Variants in OSBP2 observed in about 807,000 individuals in gnomAD.
The protein encoded by OSBP2 is oxysterol-binding protein 2.
In OSBP2, 66 loss-of-function variants were observed where a neutral mutation model predicts 96.0. The observed-to-expected ratio is 0.69, with a 90% CI of 0.56 to 0.84. OSBP2 has a LOEUF of 0.84. Ranked by LOEUF, OSBP2 falls within the 40% of genes least tolerant of loss-of-function variation. The pLI is 0.00. For synonymous variants in OSBP2, 525 were observed against 520.9 expected, an observed-to-expected ratio of 1.01 and a Z score of -0.11; for missense variants, 1,038 against 1,222.7, an observed-to-expected ratio of 0.85 and a Z score of 2.25.
At chr22:30,840,321 AAG>A (rs1237336132) in intron 2 of OSBP2, among the ~76,000 whole-genome samples, 7 of 150,600 alleles carry the variant, frequency 4.6e-5, no homozygotes, top group Admixed American at 4.6e-4. Context: ...AAAAAAGAAA[AAG>A]GAAAAAAAAA....
chr22:30,709,834 G>A (rs1461095506), intron 1 of OSBP2, among the ~76,000 whole-genome samples: 2 of 151,694 alleles, frequency 1.3e-5, no homozygotes, highest in African/African-American at 2.4e-5. Context: ...ACCTCGCCCA[G>A]CCCAGATTAG....
intron 1 of OSBP2, among the ~76,000 whole-genome samples, chr22:30,738,424 G>A (rs542666891): frequency 3.5e-4 from 53 of 152,148 alleles, no homozygotes; most frequent in Middle Eastern, 3.2e-3. Context: ...AAATTAGAGT[G>A]ACTGTCCTTC....
At chr22:30,734,131 G>C (rs1261214821) in intron 1 of OSBP2, among the ~76,000 whole-genome samples, 2 of 151,938 alleles carry the variant, frequency 1.3e-5, no homozygotes, top group Non-Finnish European at 2.9e-5. Context: ...TGCACCACCA[G>C]GCCCATTTAA....
chr22:30,857,586 C>A (rs1399657043), intron 2 of OSBP2, among the ~76,000 whole-genome samples: 1 of 152,218 alleles, frequency 6.6e-6, no homozygotes, highest in Non-Finnish European at 1.5e-5. Context: ...AACATGGGTC[C>A]ATTTTATAGC....
At chr22:30,780,465 A>T (rs1331450889) in intron 2 of OSBP2, among the ~76,000 whole-genome samples, 2 of 152,174 alleles carry the variant, frequency 1.3e-5, no homozygotes, top group Non-Finnish European at 2.9e-5. Flanking sequence ...TAATGCACCC[A>T]GGCTACTAAG....
intron 2 of OSBP2, among the ~76,000 whole-genome samples, chr22:30,799,756 A>G (rs1445254830): frequency 1.3e-5 from 2 of 152,244 alleles, no homozygotes; most frequent in Non-Finnish European, 2.9e-5. Context: ...GGAGCAGTCC[A>G]TCACTGGCAG....
chr22:30,869,548 T>C (rs1393731068), intron 2 of OSBP2, among the ~76,000 whole-genome samples: 1 of 152,230 alleles, frequency 6.6e-6, no homozygotes, highest in Non-Finnish European at 1.5e-5. Flanking sequence ...TTTGTTTTGT[T>C]TTTTGAAACA....
chr22:30,738,258 G>A (rs1272327584), intron 1 of OSBP2, among the ~76,000 whole-genome samples: 1 of 151,876 alleles, frequency 6.6e-6, no homozygotes, highest in Non-Finnish European at 1.5e-5. Context: ...CTCTCTGTCC[G>A]GAACACTGCC....
chr22:30,703,439 G>A (rs971337960), intron 1 of OSBP2, among the ~76,000 whole-genome samples: 2 of 148,818 alleles, frequency 1.3e-5, no homozygotes, highest in African/African-American at 2.5e-5. Flanking sequence ...CTCCCAAAGT[G>A]TTGGGATTAT....
chr22:30,875,063 T>G (rs1443288872), intron 3 of OSBP2, among the ~76,000 whole-genome samples: 3 of 152,192 alleles, frequency 2.0e-5, no homozygotes, highest in African/African-American at 7.2e-5. Flanking sequence ...TGTCTCTAGA[T>G]AAAGCACTCC....
intron 2 of OSBP2, chr22:30,764,361 C>T: frequency 1.0e-6 from 1 of 985,380 alleles, no homozygotes; most frequent in Non-Finnish European, 1.2e-6. Context: ...AGCCTGCCAC[C>T]CTATTGCTCC....
intron 3 of OSBP2, among the ~76,000 whole-genome samples, chr22:30,876,472 C>T (rs1469459354): frequency 2.0e-5 from 3 of 152,382 alleles, no homozygotes; most frequent in African/African-American, 7.2e-5. Context: ...CTGGAGAGAT[C>T]AGCTTGGCTC....
At chr22:30,814,792 A>G (rs1442905066) in intron 2 of OSBP2, among the ~76,000 whole-genome samples, 2 of 152,154 alleles carry the variant, frequency 1.3e-5, no homozygotes, top group East Asian at 3.9e-4. Flanking sequence ...GGACTTCAAC[A>G]TATGGATTTT....
chr22:30,883,524 G>T (rs531706099), intron 3 of OSBP2, among the ~76,000 whole-genome samples: 43 of 152,366 alleles, frequency 2.8e-4, no homozygotes, highest in South Asian at 2.5e-3. Flanking sequence ...CTGGAACCAA[G>T]ACTAACTTGA....
chr22:30,862,962 C>CA (rs5844927), intron 2 of OSBP2, among the ~76,000 whole-genome samples: 49 of 139,858 alleles, frequency 3.5e-4, no homozygotes, highest in Admixed American at 5.7e-4. Flanking sequence ...GACTCTGTCT[C>CA]AAAAAAAAAA....
In OSBP2 at chr22:30,893,844, G is replaced by T; in HGVS notation, c.2218G>T (p.Gly740Cys). 1 of 1,589,044 alleles carries T rather than the reference G, an allele frequency of 6.3e-7. No individual in the cohort carries two copies. The highest frequency in any genetic ancestry group is 8.6e-7 in the Non-Finnish European group (1 of 1,167,592). Reference protein sequence around the residue: ...KVTGVVSDSQGKAHYVLSGSW... With the variant: ...KVTGVVSDSQCKAHYVLSGSW... ...GACAGGAGTGGTGAGTGACAGCCAG[G>T]GCAAGGCCCATTACGTGCTGTCCGG... Residue 740 changes from glycine (G) to cysteine (C), a missense_variant, in exon 12 of 14, where the codon GGC becomes TGC. By Grantham distance (159) the Gly-to-Cys change is radical. This residue lies in a region of OSBP2 where 737 missense variants were observed against 913.3 expected (regional missense o/e 0.81). Transcript: ENST00000332585.
rs767011867 is a variant in OSBP2 at position 30,907,477 on chromosome 22, G to T, written c.*1138G>T. 1.3e-5 allele frequency: 2 copies of T among 152,292 alleles called. No individual in the cohort carries two copies. Among genetic ancestry groups the T allele is most frequent in the African/African-American group, 4.8e-5 (2 of 41,382 alleles). The allele number at this position is 152,292 out of a possible 1,614,324, so 9.4% of individuals were successfully genotyped here. A position where few individuals can be genotyped will look rare whatever the true frequency, so the allele number is the denominator to read the frequency against. ...TTCCCTCTCCTCATGCCCCCTTCCA[G>T]CGGCTTCTGCCAACCATGGGGGGCT... On this transcript the variant is annotated 3_prime_UTR_variant, in exon 14 of 14. Transcript: ENST00000332585.
chr22:30,838,808 T>G (rs1290583242), intron 2 of OSBP2, among the ~76,000 whole-genome samples: 2 of 151,870 alleles, frequency 1.3e-5, no homozygotes, highest in African/African-American at 2.4e-5. Context: ...CTCAAGGTTT[T>G]TTGTTGTTGT....
intron 2 of OSBP2, among the ~76,000 whole-genome samples, chr22:30,748,989 G>A (rs988033541): frequency 2.6e-5 from 4 of 152,256 alleles, no homozygotes; most frequent in African/African-American, 4.8e-5. Flanking sequence ...AGTAGCGCAC[G>A]CCTGTAATCC....
Sources: gnomAD v4.1 joint callset for allele counts (sites outside exome capture counted in the v4.1 genomes callset) on GRCh38, gnomAD v4.1.1 for gene constraint, gnomAD v4.1.1 regional missense constraint, MANE v1.5 for transcripts, NCBI Gene and HGNC (gene_info 2026-07-23, HGNC 2026-07-21) for gene names.